SDC2: variants seen among roughly 807,000 people sequenced by gnomAD.
The protein encoded by SDC2 is syndecan 2.
SDC2 carries 13 observed loss-of-function variants against 22.2 expected under a neutral mutation model. The ratio of observed to expected loss-of-function variants is 0.59; its 90% CI spans 0.38 to 0.93. The LOEUF (loss-of-function observed/expected upper bound fraction) is 0.93, where lower values mean the gene tolerates loss of function less well. Among genes scored for constraint, SDC2 ranks in the 40% least tolerant of loss-of-function variants. The probability of loss-of-function intolerance (pLI) is 0.00; values close to 1 mark genes in which losing one functional copy is unlikely to be tolerated. For missense variants in SDC2, 235 were observed against 246.8 expected, an observed-to-expected ratio of 0.95 and a Z score of 0.32; for synonymous variants, 94 against 92.8, an observed-to-expected ratio of 1.01 and a Z score of -0.07.
chr8:96,603,049 G>C, intron 3 of SDC2, among the ~76,000 whole-genome samples: 1 of 152,266 alleles, frequency 6.6e-6, no homozygotes, highest in South Asian at 2.1e-4. Context: ...TTCATTTTGA[G>C]AGCTGACTTA....
At chr8:96,522,422 C>G (rs974730013) in intron 1 of SDC2, among the ~76,000 whole-genome samples, 10 of 151,562 alleles carry the variant, frequency 6.6e-5, no homozygotes, top group African/African-American at 2.2e-4. Context: ...GAAGGGAACG[C>G]CGTGTATTAT....
intron 1 of SDC2, among the ~76,000 whole-genome samples, chr8:96,499,181 A>T (rs1813122063): frequency 6.6e-6 from 1 of 152,164 alleles, no homozygotes; most frequent in Non-Finnish European, 1.5e-5. Flanking sequence ...TCTCCTTTTA[A>T]ATGCTATTGA....
At chr8:96,522,814 G>A (rs561402032) in intron 1 of SDC2, among the ~76,000 whole-genome samples, 128 of 152,284 alleles carry the variant, frequency 8.4e-4, no homozygotes, top group Non-Finnish European at 1.4e-3. Context: ...AAATAAATCT[G>A]GTCCATGAAC....
chr8:96,524,368 C>T (rs986424243), intron 1 of SDC2, among the ~76,000 whole-genome samples: 1 of 152,148 alleles, frequency 6.6e-6, no homozygotes, highest in Admixed American at 6.5e-5. Flanking sequence ...TGTGCAGCTC[C>T]GATCAGCTTG....
rs906207835 is a variant in SDC2 at position 96,609,794 on chromosome 8, G to A, written c.*246G>A. 9.3e-6 allele frequency: 3 copies of A among 323,010 alleles called. No homozygotes were observed. Among genetic ancestry groups the A allele is most frequent in the Non-Finnish European group, 1.7e-5 (3 of 179,482 alleles). The allele number at this position is 323,010 out of a possible 1,614,324, so 20.0% of individuals were successfully genotyped here. A position where few individuals can be genotyped will look rare whatever the true frequency, so the allele number is the denominator to read the frequency against. ...ATATTATGTTATGAAAACCCTCGAT[G>A]TTCATGGAATTGGTTTAAACTTTTA... On this transcript the variant is annotated 3_prime_UTR_variant, in exon 5 of 5. Transcript: ENST00000302190.
At chr8:96,599,592 A>G (rs1002039668) in intron 2 of SDC2, among the ~76,000 whole-genome samples, 2 of 152,212 alleles carry the variant, frequency 1.3e-5, no homozygotes, top group African/African-American at 4.8e-5. Context: ...CATGTCTGTT[A>G]GATATGTATC....
chr8:96,522,128 G>A (rs1563647405), intron 1 of SDC2, among the ~76,000 whole-genome samples: 2 of 152,056 alleles, frequency 1.3e-5, no homozygotes, highest in Non-Finnish European at 2.9e-5. Context: ...GTCTTTGTTT[G>A]CATTTATTCT....
chr8:96,535,099 G>A lies in SDC2; in HGVS notation c.60+40768G>A, dbSNP rs530967784. On this transcript the variant is annotated intron_variant, in intron 1 of 4. Transcript: ENST00000302190. ...GCTCACTGCAACCTCCGCCTCCCAG[G>A]TCCCAGTTCAAGCAATTCTCCTGCG... is the stretch of plus-strand genomic sequence containing the variant. Among the ~76,000 whole-genome samples, 30 of 151,894 alleles carry A rather than the reference G, an allele frequency of 2.0e-4. No homozygotes were observed. The Middle Eastern group carries it at 0.01, about 52-fold the overall frequency.
chr8:96,541,368 A>C (rs768304045), intron 1 of SDC2, among the ~76,000 whole-genome samples: 2 of 151,884 alleles, frequency 1.3e-5, no homozygotes. Flanking sequence ...TTAGCTGGAC[A>C]TGGCGGTGTG....
At chr8:96,574,447 C>T (rs1231394917) in intron 1 of SDC2, among the ~76,000 whole-genome samples, 1 of 152,234 alleles carries the variant, frequency 6.6e-6, no homozygotes, top group Non-Finnish European at 1.5e-5. Flanking sequence ...TTATCTAGAG[C>T]TGTCATTTGG....
At chr8:96,555,307 G>A (rs1312751132) in intron 1 of SDC2, among the ~76,000 whole-genome samples, 1 of 152,006 alleles carries the variant, frequency 6.6e-6, no homozygotes, top group East Asian at 1.9e-4. Context: ...TCCTTTCTTA[G>A]ACCATTGGAA....
chr8:96,540,104 C>T (rs531322374), intron 1 of SDC2, among the ~76,000 whole-genome samples: 2 of 151,732 alleles, frequency 1.3e-5, no homozygotes, highest in South Asian at 2.1e-4. Context: ...ATATGAAAAT[C>T]ATCTATGATT....
intron 1 of SDC2, among the ~76,000 whole-genome samples, chr8:96,586,738 T>C (rs1239032755): frequency 6.6e-6 from 1 of 152,232 alleles, no homozygotes; most frequent in East Asian, 1.9e-4. Flanking sequence ...TCTACCTTCA[T>C]GTAACCTGAT....
chr8:96,605,477 C>A (rs533666153), intron 3 of SDC2, among the ~76,000 whole-genome samples: 13 of 152,322 alleles, frequency 8.5e-5, no homozygotes, highest in African/African-American at 2.9e-4. Context: ...ATAGAAAAAT[C>A]TCAGCAAAAA....
At chr8:96,531,502 A>G (rs1184766399) in intron 1 of SDC2, among the ~76,000 whole-genome samples, 2 of 152,254 alleles carry the variant, frequency 1.3e-5, no homozygotes, top group African/African-American at 2.4e-5. Flanking sequence ...TAACATATGT[A>G]AAAATGATTT....
chr8:96,537,602 T>A (rs1813774384), intron 1 of SDC2, among the ~76,000 whole-genome samples: 1 of 152,238 alleles, frequency 6.6e-6, no homozygotes, highest in Admixed American at 6.5e-5. Flanking sequence ...TGACTAGGTG[T>A]TCAGAGAAGT....
In SDC2 at chr8:96,573,457, G is replaced by A. The variant is rs533736078; in HGVS notation, c.61-20023G>A. On this transcript the variant is annotated intron_variant, in intron 1 of 4. Transcript: ENST00000302190. ...GTTGCAAAATGGGGCTAATACCTGC[G>A]GCGTTGGATGCTGGGAGGATTTTGA... Among the ~76,000 whole-genome samples the A allele has an allele frequency of 4.1e-5, 6 of 145,040 alleles. No individual in the cohort carries two copies. The East Asian group carries it at 1.0e-3, about 24-fold the overall frequency.
In SDC2 at chr8:96,570,895, A is replaced by G. The variant is rs187842987; in HGVS notation, c.61-22585A>G. ...AGTTCATGGAGGCAGAAATTAGAAC[A>G]GTGGTTACCGGGGGAAGGGAGAATA... On this transcript the variant is annotated intron_variant, in intron 1 of 4. Transcript: ENST00000302190. 2.5e-3 allele frequency among the ~76,000 whole-genome samples: 387 copies of G among 152,294 alleles called. 1 individual carries two copies. Among genetic ancestry groups the G allele is most frequent in the Non-Finnish European group, 4.5e-3 (305 of 68,032 alleles).
chr8:96,601,139 G>A (rs541627783), intron 2 of SDC2, among the ~76,000 whole-genome samples: 22 of 152,312 alleles, frequency 1.4e-4, no homozygotes, highest in Admixed American at 9.8e-4. Context: ...GCACTTGACA[G>A]TGTGCAGTGG....
Sources: gnomAD v4.1 joint callset for allele counts (sites outside exome capture counted in the v4.1 genomes callset) on GRCh38, gnomAD v4.1.1 for gene constraint, MANE v1.5 for transcripts, NCBI Gene and HGNC (gene_info 2026-07-23, HGNC 2026-07-21) for gene names.